ZFHX3: variants seen among roughly 807,000 people sequenced by gnomAD.
The protein encoded by ZFHX3 is zinc finger homeobox 3, also known as zinc finger homeobox protein 3.
A neutral mutation model predicts 279.1 loss-of-function variants in ZFHX3; 42 were observed. That is an observed-to-expected ratio of 0.15 (90% CI 0.12 to 0.19). The LOEUF is 0.19. Among genes scored for constraint, ZFHX3 ranks in the 10% least tolerant of loss-of-function variants. The pLI is 1.00. For synonymous variants in ZFHX3, 2,293 were observed against 1,957.8 expected, an observed-to-expected ratio of 1.17 and a Z score of -4.52; for missense variants, 4,981 against 4,754.0, an observed-to-expected ratio of 1.05 and a Z score of -1.40.
intron 3 of ZFHX3, among the ~76,000 whole-genome samples, chr16:72,890,929 T>C (rs2038757336): frequency 6.6e-6 from 1 of 152,230 alleles, no homozygotes; most frequent in Non-Finnish European, 1.5e-5. Context: ...TGCTAAATTA[T>C]GACAGGAAAA....
At chr16:73,412,764 A>G (rs980026930) in intron 3 of ZFHX3, among the ~76,000 whole-genome samples, 2 of 152,344 alleles carry the variant, frequency 1.3e-5, no homozygotes, top group Admixed American at 6.5e-5. Context: ...CCAGGTTCCG[A>G]ACAACAGACT....
intron 4 of ZFHX3, among the ~76,000 whole-genome samples, chr16:72,887,724 G>T (rs938274741): frequency 6.6e-6 from 1 of 151,738 alleles, no homozygotes; most frequent in African/African-American, 2.4e-5. Flanking sequence ...ACGCAGATGG[G>T]GCGTGTGGGT....
chr16:72,931,539 G>A (rs549615604), intron 3 of ZFHX3, among the ~76,000 whole-genome samples: 1 of 146,982 alleles, frequency 6.8e-6, no homozygotes, highest in African/African-American at 2.5e-5. Context: ...CCAACGTACC[G>A]ACAGGGAAGA....
intron 1 of ZFHX3, among the ~76,000 whole-genome samples, chr16:73,716,803 T>C (rs1347855301): frequency 1.3e-5 from 2 of 152,074 alleles, no homozygotes; most frequent in African/African-American, 4.8e-5. Flanking sequence ...ATTATCGATT[T>C]TTGCCATAAT....
chr16:73,409,938 A>G (rs1270128744), intron 3 of ZFHX3, among the ~76,000 whole-genome samples: 2 of 142,630 alleles, frequency 1.4e-5, no homozygotes, highest in Non-Finnish European at 3.1e-5. Context: ...AGATAAAGAA[A>G]GAGAGTAGGT....
At chr16:72,942,188 G>A (rs1240229491) in intron 3 of ZFHX3, among the ~76,000 whole-genome samples, 2 of 152,190 alleles carry the variant, frequency 1.3e-5, no homozygotes, top group Non-Finnish European at 2.9e-5. Context: ...TCAGCAAGTT[G>A]AAAGAATTCA....
intron 5 of ZFHX3, among the ~76,000 whole-genome samples, chr16:73,199,724 C>T (rs1474098842): frequency 1.3e-5 from 2 of 152,208 alleles, no homozygotes; most frequent in Non-Finnish European, 2.9e-5. Flanking sequence ...CTAACACAGG[C>T]TCCTTTGGGA....
At chr16:73,515,240 C>T (rs2019499080) in intron 2 of ZFHX3, among the ~76,000 whole-genome samples, 1 of 152,196 alleles carries the variant, frequency 6.6e-6, no homozygotes, top group Non-Finnish European at 1.5e-5. Context: ...TTCTGTTAAA[C>T]TTCCTCAGTT....
At chr16:73,606,689 G>A (rs1006887542) in intron 2 of ZFHX3, among the ~76,000 whole-genome samples, 6 of 151,994 alleles carry the variant, frequency 3.9e-5, no homozygotes, top group Admixed American at 6.6e-5. Context: ...TAGGTATTAC[G>A]CCCAGCATGC....
chr16:73,190,625 C>A (rs532244941), intron 5 of ZFHX3, among the ~76,000 whole-genome samples: 2 of 152,254 alleles, frequency 1.3e-5, no homozygotes, highest in East Asian at 3.9e-4. Flanking sequence ...AGAAGGGGAC[C>A]CAGGCATCTG....
At chr16:73,198,384 A>G (rs1296176271) in intron 5 of ZFHX3, among the ~76,000 whole-genome samples, 1 of 148,034 alleles carries the variant, frequency 6.8e-6, no homozygotes, top group Admixed American at 6.8e-5. Flanking sequence ...TGCTGGACAT[A>G]CCAGTGTTAT....
intron 6 of ZFHX3, among the ~76,000 whole-genome samples, chr16:73,132,179 G>T (rs893421035): frequency 6.6e-6 from 1 of 152,114 alleles, no homozygotes; most frequent in African/African-American, 2.4e-5. Flanking sequence ...CAGCTACTCC[G>T]GAGGCTGATG....
chr16:73,669,429 C>T (rs1428242926), intron 2 of ZFHX3, among the ~76,000 whole-genome samples: 1 of 152,272 alleles, frequency 6.6e-6, no homozygotes, highest in African/African-American at 2.4e-5. Flanking sequence ...CTCTAGATGA[C>T]CTTCTAAAGG....
chr16:73,092,490 C>G (rs902760898), intron 8 of ZFHX3: 1 of 158,448 alleles, frequency 6.3e-6, no homozygotes, highest in African/African-American at 2.4e-5. Flanking sequence ...AGCAAAGGGC[C>G]GGGGAGAGAA....
chr16:72,896,655 C>T (rs765884046), intron 3 of ZFHX3, among the ~76,000 whole-genome samples: 4 of 152,154 alleles, frequency 2.6e-5, no homozygotes, highest in Non-Finnish European at 1.5e-5. Flanking sequence ...ATCAAAAAAA[C>T]GTGTTCCTGT....
intron 1 of ZFHX3, among the ~76,000 whole-genome samples, chr16:73,818,548 C>T (rs989058435): frequency 6.6e-6 from 1 of 152,208 alleles, no homozygotes; most frequent in African/African-American, 2.4e-5. Context: ...TTTCAGACCC[C>T]TGGCCACTCT....
intron 1 of ZFHX3, among the ~76,000 whole-genome samples, chr16:73,046,570 T>A (rs976889375): frequency 1.3e-5 from 2 of 152,092 alleles, no homozygotes; most frequent in Admixed American, 6.5e-5. Flanking sequence ...AATTCAGGAA[T>A]GAGGGAACTC....
intron 5 of ZFHX3, among the ~76,000 whole-genome samples, chr16:73,225,674 G>A (rs1408100405): frequency 6.6e-6 from 1 of 152,112 alleles, no homozygotes; most frequent in Non-Finnish European, 1.5e-5. Context: ...GTTCAGGTAG[G>A]GGTACTGAAG....
At chr16:73,427,957 C>A (rs1460481793) in intron 3 of ZFHX3, among the ~76,000 whole-genome samples, 1 of 151,874 alleles carries the variant, frequency 6.6e-6, no homozygotes, top group South Asian at 2.1e-4. Context: ...AGAAAAAAAA[C>A]CGAAACAGGT....
Sources: allele counts gnomAD v4.1 joint callset (sites outside exome capture counted in the v4.1 genomes callset), GRCh38; gene constraint gnomAD v4.1.1; transcripts MANE v1.5; gene names NCBI Gene and HGNC (gene_info 2026-07-23, HGNC 2026-07-21).